Variants in INTS8 observed in about 807,000 individuals in gnomAD.
INTS8 encodes protein kaonashi-1.
INTS8 carries 47 observed loss-of-function variants against 138.9 expected under a neutral mutation model. That is an observed-to-expected ratio of 0.34 (90% CI 0.27 to 0.43). INTS8 has a LOEUF of 0.43. INTS8 is among the 20% of genes least tolerant of loss of function. The probability of loss-of-function intolerance (pLI) is 1.00; values close to 1 mark genes in which losing one functional copy is unlikely to be tolerated. For synonymous variants in INTS8, 392 were observed against 400.9 expected (o/e 0.98, Z 0.27); for missense variants, 996 against 1,173.0 (o/e 0.85, Z 2.20).
chr8:94,856,958 A>G lies in INTS8; in HGVS notation c.1934A>G (p.Tyr645Cys), dbSNP rs1446209965. Residue 645 changes from tyrosine (Y) to cysteine (C), a missense_variant, in exon 15 of 27, where the codon TAT (tyrosine) becomes TGT (cysteine). Physicochemically the swap from Tyr to Cys is radical, Grantham distance 194. Transcript: ENST00000523731. ...GACCTTATAAGTAGAGTACGAGGCT[A>G]TCTGGAAATGAGGCTTCCTGGTAAG... is the stretch of plus-strand genomic sequence containing the variant. The part of the protein sequence containing the change: ...PSDLISRVRG[Y>C]LEMRLPDIPL... 14 of 1,613,846 alleles carry G rather than the reference A, an allele frequency of 8.7e-6. No individual in the cohort carries two copies. In the Middle Eastern group the frequency reaches 6.6e-4, roughly 76 times the overall value.
intron 1 of INTS8, among the ~76,000 whole-genome samples, chr8:94,824,477 A>G (rs993946759): frequency 3.3e-5 from 5 of 152,232 alleles, no homozygotes; most frequent in Non-Finnish European, 7.3e-5. Flanking sequence ...CATTGGAAGA[A>G]GCAGGTACGG....
intron 13 of INTS8, among the ~76,000 whole-genome samples, chr8:94,852,609 A>T (rs1304312402): frequency 6.6e-6 from 1 of 150,542 alleles, no homozygotes; most frequent in East Asian, 2.0e-4. Flanking sequence ...TTTTTTTGAG[A>T]CTGAGTTTCA....
chr8:94,835,891 C>T lies in INTS8; in HGVS notation c.754-633C>T, dbSNP rs1051923168. ...GGGTTTACAGGCGTGAGCCACTGCG[C>T]CCAGCCAGGCTTCTTCTTATAGAAT... On this transcript the variant is annotated intron_variant, in intron 6 of 26. Coordinates refer to ENST00000523731, the MANE Select transcript of INTS8 (RefSeq NM_017864.4). Among the ~76,000 whole-genome samples the T allele has an allele frequency of 4.6e-5, 7 of 152,194 alleles. No individual in the cohort carries two copies. In the South Asian group the frequency reaches 1.4e-3, roughly 32 times the overall value.
intron 1 of INTS8, 56 bp downstream of exon 1, chr8:94,823,617 C>T (rs1586458160): frequency 2.2e-6 from 3 of 1,370,096 alleles, no homozygotes; most frequent in Non-Finnish European, 2.0e-6. Context: ...GCTGTCCGCC[C>T]AGCTTCCCTC....
chr8:94,854,398 C>T (rs1815669823), intron 14 of INTS8, among the ~76,000 whole-genome samples: 1 of 152,068 alleles, frequency 6.6e-6, no homozygotes, highest in South Asian at 2.1e-4. Context: ...TGGTCTTGAT[C>T]AAATGAATAC....
chr8:94,873,435 C>G lies in INTS8; in HGVS notation c.2595C>G (p.Asp865Glu). ...YYLQAGAVCS[D>E]FFNKAVPPDV... ...TCCAGGCAGGAGCTGTGTGTTCTGA[C>G]TTCTTTAACAAGGCTGTGCCCCCTG... The change falls in exon 22 of 27, where the codon GAC (aspartate) becomes GAG (glutamate). Residue 865 changes from aspartate (D) to glutamate (E), a missense_variant. Physicochemically the swap from Asp to Glu is conservative, Grantham distance 45. Transcript: ENST00000523731. 2 of 1,613,920 alleles carry G rather than the reference C, an allele frequency of 1.2e-6. No homozygotes were observed. The highest frequency in any genetic ancestry group is 1.7e-6 in the Non-Finnish European group (2 of 1,179,780).
At chr8:94,831,482 C>CTTTTTTT (rs11482467) in intron 5 of INTS8, among the ~76,000 whole-genome samples, 13 of 121,570 alleles carry the variant, frequency 1.1e-4, no homozygotes, top group Non-Finnish European at 2.0e-4. Flanking sequence ...TTGTCTTTTT[C>CTTTTTTT]TTTTTTTTTT....
At chr8:94,841,679 A>G (rs13271375) in intron 9 of INTS8, 88 bp downstream of exon 9, 335,308 of 707,506 alleles carry the variant, frequency 0.47, 82,034 homozygotes, top group East Asian at 0.65. Flanking sequence ...CAAATTTCCT[A>G]TGGCTCTGTG....
chr8:94,853,707 AT>A, intron 13 of INTS8, 97 bp from the exon 14 acceptor site: 1 of 663,894 alleles, frequency 1.5e-6, no homozygotes, highest in South Asian at 2.0e-5. Flanking sequence ...CCCGTGAGTT[AT>A]TTGTTTTAAA....
Position 94,876,488 on chromosome 8 carries a change from C to A in INTS8, c.2870C>A (p.Ala957Glu). The A allele has an allele frequency of 6.5e-7, 1 of 1,545,656 alleles. No homozygotes were observed. Among genetic ancestry groups the A allele is most frequent in the Non-Finnish European group, 8.9e-7 (1 of 1,125,838 alleles). Reference sequence around the variant, plus strand: ...GGAGAAACAGATAAAAGACAAATTGCAGTAAGTTACCTTATGCCTTTCTTC... The same window carrying A: ...GGAGAAACAGATAAAAGACAAATTGAAGTAAGTTACCTTATGCCTTTCTTC... ...KRGETDKRQIAIKAIGQTELN... is the reference protein window; with the variant it reads ...KRGETDKRQIEIKAIGQTELN... Residue 957 changes from alanine (A) to glutamate (E), a missense_variant and splice_region_variant, in exon 26 of 27, where the codon GCA (alanine) becomes GAA (glutamate). Physicochemically the swap from Ala to Glu is moderately radical, Grantham distance 107 (BLOSUM62 -1). Coordinates refer to ENST00000523731, the MANE Select transcript of INTS8 (RefSeq NM_017864.4).
intron 1 of INTS8, among the ~76,000 whole-genome samples, chr8:94,823,862 G>C (rs1299474067): frequency 6.6e-6 from 1 of 152,238 alleles, no homozygotes; most frequent in African/African-American, 2.4e-5. Flanking sequence ...TGCGAGGCGG[G>C]TCTTGTGGTT....
chr8:94,826,997 C>T (rs1291283775), intron 2 of INTS8, among the ~76,000 whole-genome samples: 1 of 151,952 alleles, frequency 6.6e-6, no homozygotes, highest in Non-Finnish European at 1.5e-5. Context: ...CCCAGCTACT[C>T]AGGAGGCTCA....
At chr8:94,874,509 T>G in intron 22 of INTS8, 43 bp from the exon 23 acceptor site, 1 of 1,084,562 alleles carries the variant, frequency 9.2e-7, no homozygotes, top group Non-Finnish European at 1.4e-6. Flanking sequence ...TTAGAATCCA[T>G]GTTAGCTGGT....
intron 22 of INTS8, 25 bp downstream of exon 22, chr8:94,873,502 G>A (rs754320712): frequency 6.9e-7 from 1 of 1,456,320 alleles, no homozygotes; most frequent in East Asian, 2.3e-5. Flanking sequence ...TGGGCTGGCT[G>A]GTTTCTTGCC....
intron 26 of INTS8, among the ~76,000 whole-genome samples, chr8:94,877,560 T>C (rs1816606604): frequency 6.6e-6 from 1 of 152,222 alleles, no homozygotes; most frequent in South Asian, 2.1e-4. Flanking sequence ...GAGACCCTTA[T>C]GCTTCATACC....
rs753968659 is a variant in INTS8 at position 94,827,398 on chromosome 8, T to C, written c.441T>C (p.Asn147=). The change falls in exon 3 of 27, where the codon AAT becomes AAC. Residue 147 remains asparagine (N), a synonymous_variant. Transcript: ENST00000523731. ...PTTAMAVLLY[N]RWAIRTIVQS... Reference sequence around the variant, plus strand: ...CTGCCATGGCTGTACTTCTCTATAATAGATGGTAAATGTTTTCATAAACTC... The same window carrying C: ...CTGCCATGGCTGTACTTCTCTATAACAGATGGTAAATGTTTTCATAAACTC... The C allele has an allele frequency of 8.7e-6, 14 of 1,614,110 alleles. No individual in the cohort carries two copies. In the South Asian group the frequency reaches 1.5e-4, roughly 18 times the overall value.
At chr8:94,847,157 A>G (rs1815360961) in intron 10 of INTS8, among the ~76,000 whole-genome samples, 1 of 152,114 alleles carries the variant, frequency 6.6e-6, no homozygotes, top group South Asian at 2.1e-4. Flanking sequence ...CTCCTGCCTC[A>G]GCCTCCACAG....
rs2131089988 is a variant in INTS8 at position 94,880,416 on chromosome 8, A to C, written c.*182A>C. On this transcript the variant is annotated 3_prime_UTR_variant, in exon 27 of 27. Transcript: ENST00000523731. ...AGAAGACTTCATACCGTAACAATAAATGTATAGTTTCTTCAAAGGGAGAAG... is the reference window on the plus strand; with the variant it reads ...AGAAGACTTCATACCGTAACAATAACTGTATAGTTTCTTCAAAGGGAGAAG... 1 of 388,864 alleles carries C rather than the reference A, an allele frequency of 2.6e-6. No individual in the cohort carries two copies. Among genetic ancestry groups the C allele is most frequent in the South Asian group, 7.2e-5 (1 of 13,966 alleles). The allele number at this position is 388,864 out of a possible 1,614,324, so 24.1% of individuals were successfully genotyped here. A position where few individuals can be genotyped will look rare whatever the true frequency, so the allele number is the denominator to read the frequency against.
At chr8:94,866,788 A>T in intron 18 of INTS8, 1 of 207,790 alleles carries the variant, frequency 4.8e-6, no homozygotes, top group South Asian at 1.4e-4. Flanking sequence ...TTTGCTTAGT[A>T]GGATCAATGT....
Sources: allele counts gnomAD v4.1 joint callset (sites outside exome capture counted in the v4.1 genomes callset), GRCh38; gene constraint gnomAD v4.1.1; transcripts MANE v1.5; gene names NCBI Gene and HGNC (gene_info 2026-07-23, HGNC 2026-07-21).